The following KLHL1 variants were observed in gnomAD, a reference collection of about 807,000 sequenced individuals.
The protein encoded by KLHL1 is kelch like family member 1, also known as kelch-like protein 1.
In KLHL1, 47 loss-of-function variants were observed where a neutral mutation model predicts 77.7. That is an observed-to-expected ratio of 0.60 (90% CI 0.48 to 0.77). The LOEUF (loss-of-function observed/expected upper bound fraction) is 0.77, where lower values mean the gene tolerates loss of function less well. KLHL1 is among the 30% of genes least tolerant of loss of function. KLHL1 has a pLI of 0.00. For missense variants in KLHL1, 925 were observed against 910.8 expected (o/e 1.02, Z -0.20); for synonymous variants, 360 against 325.2 (o/e 1.11, Z -1.15).
chr13:69,822,961 A>T (rs1878397418), intron 6 of KLHL1, among the ~76,000 whole-genome samples: 1 of 152,116 alleles, frequency 6.6e-6, no homozygotes, highest in Non-Finnish European at 1.5e-5. Flanking sequence ...ATAACAACTT[A>T]TTTTGCTCAT....
intron 7 of KLHL1, among the ~76,000 whole-genome samples, chr13:69,746,198 TAATC>T (rs1160890942): frequency 5.9e-5 from 9 of 151,820 alleles, no homozygotes; most frequent in African/African-American, 1.7e-4. Context: ...ATTGTCATAA[TAATC>T]CACATTTTTT....
At chr13:69,858,266 G>C (rs915691237) in intron 5 of KLHL1, among the ~76,000 whole-genome samples, 2 of 152,098 alleles carry the variant, frequency 1.3e-5, no homozygotes, top group Non-Finnish European at 2.9e-5. Flanking sequence ...TCTTGGGGAG[G>C]AGAAAGACTG....
At chr13:69,986,410 G>A (rs1245440738) in intron 1 of KLHL1, among the ~76,000 whole-genome samples, 1 of 151,900 alleles carries the variant, frequency 6.6e-6, no homozygotes, top group South Asian at 2.1e-4. Context: ...ATTGCACGTT[G>A]TATACATATA....
intron 5 of KLHL1, among the ~76,000 whole-genome samples, chr13:69,875,498 A>G (rs1880730602): frequency 6.6e-6 from 1 of 152,176 alleles, no homozygotes; most frequent in Admixed American, 6.5e-5. Flanking sequence ...AGAAACACTT[A>G]ATATATTGTA....
intron 7 of KLHL1, among the ~76,000 whole-genome samples, chr13:69,750,235 T>C (rs1187021798): frequency 6.6e-6 from 1 of 151,752 alleles, no homozygotes; most frequent in Non-Finnish European, 1.5e-5. Flanking sequence ...CAAAATAATT[T>C]GTAAAAATCG....
At chr13:70,065,320 T>C (rs1487169926) in intron 1 of KLHL1, among the ~76,000 whole-genome samples, 1 of 152,208 alleles carries the variant, frequency 6.6e-6, no homozygotes, top group African/African-American at 2.4e-5. Flanking sequence ...AGAACTTGCC[T>C]ATAACAGATG....
At chr13:69,766,949 T>C (rs897662538) in intron 7 of KLHL1, among the ~76,000 whole-genome samples, 2 of 152,234 alleles carry the variant, frequency 1.3e-5, no homozygotes, top group African/African-American at 4.8e-5. Flanking sequence ...AATATACTTT[T>C]ACATATTTGG....
intron 10 of KLHL1, among the ~76,000 whole-genome samples, chr13:69,702,269 A>C (rs1875428932): frequency 6.6e-6 from 1 of 151,786 alleles, no homozygotes; most frequent in African/African-American, 2.4e-5. Flanking sequence ...CATAATTATA[A>C]TTGCTATATG....
chr13:69,789,132 A>G (rs544829228), intron 7 of KLHL1, among the ~76,000 whole-genome samples: 1 of 152,226 alleles, frequency 6.6e-6, no homozygotes, highest in Admixed American at 6.5e-5. Flanking sequence ...TATCCTCTAA[A>G]TTTAAAATAC....
In KLHL1 at chr13:70,012,367, CTTTTAA is replaced by C. The variant is rs569632700; in HGVS notation, c.498-36571_498-36566del. Reference sequence around the variant, plus strand: ...AAATTGTATTTACCTATATTTTTCACTTTTAATTTTATTAAGATATTCATAGATTTT... The same window carrying C: ...AAATTGTATTTACCTATATTTTTCACTTTTATTAAGATATTCATAGATTTT... On this transcript the variant is annotated intron_variant, in intron 1 of 10. Transcript: ENST00000377844. Among the ~76,000 whole-genome samples the C allele has an allele frequency of 6.0e-3, 915 of 151,858 alleles. 7 individuals carry two copies. Among genetic ancestry groups the C allele is most frequent in the Middle Eastern group, 0.024 (7 of 292 alleles).
chr13:69,953,205 T>C (rs1386122949), intron 3 of KLHL1, among the ~76,000 whole-genome samples: 1 of 151,298 alleles, frequency 6.6e-6, no homozygotes, highest in East Asian at 1.9e-4. Context: ...GAGGATAACA[T>C]TTTAAATAGT....
In KLHL1 at chr13:69,826,495, G is replaced by A. The variant is rs557805712; in HGVS notation, c.1414+12481C>T. On this transcript the variant is annotated intron_variant, in intron 6 of 10. Transcript: ENST00000377844. Reference sequence around the variant, plus strand: ...CTCAGGAGTCTGAGGCAGGAGAATCGCTTGAACCTGGGAGGCAGAGGTTGC... The same window carrying A: ...CTCAGGAGTCTGAGGCAGGAGAATCACTTGAACCTGGGAGGCAGAGGTTGC... 3.9e-5 allele frequency among the ~76,000 whole-genome samples: 6 copies of A among 152,164 alleles called. No homozygotes were observed. The South Asian group carries it at 8.3e-4, about 21-fold the overall frequency.
chr13:70,070,330 A>C (rs1887110281), intron 1 of KLHL1, among the ~76,000 whole-genome samples: 1 of 151,998 alleles, frequency 6.6e-6, no homozygotes, highest in African/African-American at 2.4e-5. Flanking sequence ...AATCAAGGAG[A>C]AAGAGGACAT....
chr13:70,071,378 T>C (rs1455845669), intron 1 of KLHL1, among the ~76,000 whole-genome samples: 2 of 151,928 alleles, frequency 1.3e-5, no homozygotes, highest in African/African-American at 2.4e-5. Flanking sequence ...CTGACAGAAC[T>C]CCAAGGAAAA....
chr13:70,003,016 C>G (rs1051955802), intron 1 of KLHL1, among the ~76,000 whole-genome samples: 1 of 151,330 alleles, frequency 6.6e-6, no homozygotes. Flanking sequence ...ATAAATAATA[C>G]CTAGATTTTA....
chr13:69,863,488 A>G (rs1012341456), intron 5 of KLHL1, among the ~76,000 whole-genome samples: 5 of 123,220 alleles, frequency 4.1e-5, no homozygotes, highest in Non-Finnish European at 6.8e-5. Context: ...ATATGAAAAA[A>G]AAACATAAGA....
chr13:70,081,933 T>G (rs566932877), intron 1 of KLHL1, among the ~76,000 whole-genome samples: 1 of 152,310 alleles, frequency 6.6e-6, no homozygotes, highest in East Asian at 1.9e-4. Context: ...TCATGTAGAA[T>G]TGTAATCCCC....
Position 70,006,800 on chromosome 13 carries a change from C to A in KLHL1, c.498-30998G>T, listed in dbSNP as rs190694002. Among the ~76,000 whole-genome samples the A allele has an allele frequency of 1.6e-3, 248 of 152,038 alleles. 1 individual carries two copies. Among genetic ancestry groups the A allele is most frequent in the Admixed American group, 5.4e-3 (82 of 15,220 alleles). ...CATATATATGCTAGAAGAATAATAG[C>A]TTTCAAGCTCAAAATCTAGAACTCT... On this transcript the variant is annotated intron_variant, in intron 1 of 10. Coordinates refer to ENST00000377844, the MANE Select transcript of KLHL1 (RefSeq NM_020866.3).
chr13:69,723,849 T>TTTC (rs1566183054), intron 8 of KLHL1, among the ~76,000 whole-genome samples: 2 of 37,230 alleles, frequency 5.4e-5, no homozygotes, highest in Non-Finnish European at 1.6e-4. Flanking sequence ...AATTTTTTTT[T>TTTC]TTTTTTTTTC....
Sources: allele counts gnomAD v4.1 joint callset (sites outside exome capture counted in the v4.1 genomes callset), GRCh38; gene constraint gnomAD v4.1.1; transcripts MANE v1.5; gene names NCBI Gene and HGNC (gene_info 2026-07-23, HGNC 2026-07-21).